The following RNF149 variants were observed in gnomAD, a reference collection of about 807,000 sequenced individuals.
RNF149 encodes the protein ring finger protein 149, also known as E3 ubiquitin-protein ligase RNF149.
RNF149 carries 21 observed loss-of-function variants against 39.0 expected under a neutral mutation model. That is an observed-to-expected ratio of 0.54 (90% confidence interval 0.38 to 0.77). The LOEUF (loss-of-function observed/expected upper bound fraction) is 0.77, where lower values mean the gene tolerates loss of function less well. Among genes scored for constraint, RNF149 ranks in the 30% least tolerant of loss-of-function variants. The pLI, the probability that RNF149 is intolerant of heterozygous loss-of-function variation, is 0.00. For synonymous variants in RNF149, 209 were observed against 213.6 expected (o/e 0.98, Z 0.19); for missense variants, 493 against 534.9 (o/e 0.92, Z 0.77).
In RNF149 at chr2:101,295,014, T is replaced by C; in HGVS notation, c.628A>G (p.Thr210Ala). Residue 210 changes from threonine to alanine, a missense_variant, in exon 2 of 7, where the codon ACC (threonine) becomes GCC (alanine). Coordinates refer to ENST00000295317, the MANE Select transcript of RNF149 (RefSeq NM_173647.4). ...SVVFVAIAFI[T>A]MMIISLAWLI... ...CAGGCTAACGAGATAATCATCATGG[T>C]GATGAAGGCAATGGCCACAAACACC... 2.5e-6 allele frequency: 4 copies of C among 1,614,082 alleles called. No individual in the cohort carries two copies. The highest frequency in any genetic ancestry group is 3.4e-6 in the Non-Finnish European group (4 of 1,179,968).
At chr2:101,281,032 T>G (rs567833169) in intron 6 of RNF149, among the ~76,000 whole-genome samples, 29 of 152,048 alleles carry the variant, frequency 1.9e-4, no homozygotes, top group African/African-American at 6.8e-4. Flanking sequence ...AGACCCTGTC[T>G]CAAAAACCAA....
intron 5 of RNF149, among the ~76,000 whole-genome samples, chr2:101,285,874 ATAT>A (rs918026979): frequency 6.6e-6 from 1 of 152,216 alleles, no homozygotes; most frequent in African/African-American, 2.4e-5. Flanking sequence ...ACATCTGAGC[ATAT>A]TATTCTACCA....
At chr2:101,291,646 T>C (rs1186904791) in intron 3 of RNF149, among the ~76,000 whole-genome samples, 1 of 152,186 alleles carries the variant, frequency 6.6e-6, no homozygotes, top group Non-Finnish European at 1.5e-5. Flanking sequence ...TTTAACAACA[T>C]TTAAAATTAT....
rs369587252 is a variant in RNF149 at position 101,294,083 on chromosome 2, C to T, written c.712-1G>A. The T allele has an allele frequency of 1.3e-6, 2 of 1,520,442 alleles. No homozygotes were observed. Among genetic ancestry groups the T allele is most frequent in the Non-Finnish European group, 1.8e-6 (2 of 1,098,306 alleles). The allele number at this position is 1,520,442 out of a possible 1,614,324, so 94.2% of individuals were successfully genotyped here. A position where few individuals can be genotyped will look rare whatever the true frequency, so the allele number is the denominator to read the frequency against. ...CTTTCTTAGTTTCTTTTCTATGGCTCTTGGGTAGGAAAATATTAATACAGT... is the reference window on the plus strand; with the variant it reads ...CTTTCTTAGTTTCTTTTCTATGGCTTTTGGGTAGGAAAATATTAATACAGT... On this transcript the variant is annotated splice_acceptor_variant, in intron 2 of 6. Coordinates refer to ENST00000295317, the MANE Select transcript of RNF149 (RefSeq NM_173647.4). LOFTEE classifies it high-confidence loss of function.
intron 1 of RNF149, among the ~76,000 whole-genome samples, chr2:101,307,546 CTG>C: frequency 6.6e-6 from 1 of 152,294 alleles, no homozygotes; most frequent in Middle Eastern, 3.4e-3. Flanking sequence ...CTCAGGAAAT[CTG>C]ACTGGCAGTA....
At chr2:101,307,018 ATAACAGAG>A (rs1683689094) in intron 1 of RNF149, among the ~76,000 whole-genome samples, 2 of 152,356 alleles carry the variant, frequency 1.3e-5, no homozygotes, top group African/African-American at 4.8e-5. Context: ...GTTATCTTAC[ATAACAGAG>A]TATGTTCACT....
intron 1 of RNF149, among the ~76,000 whole-genome samples, chr2:101,306,023 C>T (rs544393318): frequency 3.3e-5 from 5 of 152,158 alleles, no homozygotes; most frequent in Admixed American, 1.3e-4. Flanking sequence ...GAATGGACAC[C>T]GATAATGGGA....
intron 1 of RNF149, among the ~76,000 whole-genome samples, chr2:101,301,601 CCA>C (rs1683454385): frequency 6.6e-6 from 1 of 152,106 alleles, no homozygotes; most frequent in Non-Finnish European, 1.5e-5. Flanking sequence ...TCACGATGTC[CCA>C]CCTCAAAGAT....
At chr2:101,304,007 G>A (rs1683560926) in intron 1 of RNF149, among the ~76,000 whole-genome samples, 1 of 152,154 alleles carries the variant, frequency 6.6e-6, no homozygotes, top group Admixed American at 6.5e-5. Flanking sequence ...TTAATTTAAG[G>A]CCAATATCCT....
intron 4 of RNF149, among the ~76,000 whole-genome samples, chr2:101,288,230 C>CTT (rs554652378): frequency 1.6e-3 from 99 of 60,530 alleles, no homozygotes; most frequent in Non-Finnish European, 2.0e-3. Context: ...GAAAGAAAAA[C>CTT]TTTTTTTTTT....
chr2:101,281,173 A>G (rs1236547210), intron 6 of RNF149, among the ~76,000 whole-genome samples: 1 of 152,254 alleles, frequency 6.6e-6, no homozygotes, highest in East Asian at 1.9e-4. Flanking sequence ...TACTGATAAT[A>G]CAAACACTCA....
rs547820014 is a variant in RNF149, at chr2:101,297,037, C to T, written c.461-1856G>A. Among the ~76,000 whole-genome samples the T allele has an allele frequency of 4.5e-4, 68 of 152,172 alleles. No homozygotes were observed. The East Asian group carries it at 6.6e-3, about 15-fold the overall frequency. On this transcript the variant is annotated intron_variant, in intron 1 of 6. Transcript: ENST00000295317. ...CAGCCTGGCCAAAATGGCGAAACCCCGTCTCTACTGAAATTACAAAAATTA... is the reference window on the plus strand; with the variant it reads ...CAGCCTGGCCAAAATGGCGAAACCCTGTCTCTACTGAAATTACAAAAATTA...
downstream of RNF149, chr2:101,273,476 C>CCT (rs1682215978): frequency 1.5e-4 from 53 of 350,604 alleles, no homozygotes; most frequent in South Asian, 1.1e-3. Flanking sequence ...ATATTTGTTT[C>CCT]TTTTTTTTTT....
Position 101,276,031 on chromosome 2 carries a change from C to T in RNF149, c.*1207G>A, listed in dbSNP as rs1682333683. ...GCATTAAGTAGCTTGAGAAAATAATCTATATAAATCTTTATATCCTACATA... is the reference window on the plus strand; with the variant it reads ...GCATTAAGTAGCTTGAGAAAATAATTTATATAAATCTTTATATCCTACATA... On this transcript the variant is annotated 3_prime_UTR_variant, in exon 7 of 7. Transcript: ENST00000295317. The T allele has an allele frequency of 1.7e-5, 15 of 869,720 alleles. No homozygotes were observed. Among genetic ancestry groups the T allele is most frequent in the Non-Finnish European group, 2.1e-5 (15 of 725,046 alleles). 53.9% of individuals were successfully genotyped at this position (869,720 alleles called of 1,614,324 possible). A position where few individuals can be genotyped will look rare whatever the true frequency, so the allele number is the denominator to read the frequency against.
chr2:101,297,713 A>G (rs1683289405), intron 1 of RNF149, among the ~76,000 whole-genome samples: 1 of 152,152 alleles, frequency 6.6e-6, no homozygotes, highest in South Asian at 2.1e-4. Flanking sequence ...ATACCACAAA[A>G]TTCACCCTTT....
At chr2:101,299,980 G>A (rs1006575492) in intron 1 of RNF149, among the ~76,000 whole-genome samples, 5 of 152,248 alleles carry the variant, frequency 3.3e-5, no homozygotes, top group African/African-American at 1.2e-4. Flanking sequence ...GTTATCCACT[G>A]CCTGGGAGGT....
In RNF149 at chr2:101,276,967, G is replaced by C. The variant is rs1375402218; in HGVS notation, c.*271C>G. 3.4e-6 allele frequency: 4 copies of C among 1,166,154 alleles called. No homozygotes were observed. The highest frequency in any genetic ancestry group is 1.6e-5 in the African/African-American group (1 of 62,250). The allele number at this position is 1,166,154 out of a possible 1,614,324, so 72.2% of individuals were successfully genotyped here. A position where few individuals can be genotyped will look rare whatever the true frequency, so the allele number is the denominator to read the frequency against. ...GAAACACCACCTGTCCTTTATATTA[G>C]AGTACCTGCCCCAGTTGTCTTTGTA... On this transcript the variant is annotated 3_prime_UTR_variant, in exon 7 of 7. Transcript: ENST00000295317.
downstream of RNF149, among the ~76,000 whole-genome samples, chr2:101,273,824 C>G (rs775260513): frequency 2.6e-5 from 4 of 152,124 alleles, no homozygotes; most frequent in African/African-American, 4.8e-5. Flanking sequence ...TCACTGAAAA[C>G]TTTTTCCTTT....
In RNF149 at chr2:101,277,242, G is replaced by A. The variant is rs777387276; in HGVS notation, c.1199C>T (p.Ser400Phe). The A allele has an allele frequency of 6.2e-7, 1 of 1,613,644 alleles. No homozygotes were observed. The highest frequency in any genetic ancestry group is 1.3e-5 in the African/African-American group (1 of 75,020). ...RSDSRHGGPIS is the reference protein window; with the variant it reads ...RSDSRHGGPIF ...CCACTTCAGTGGGCACGTGTGCTAG[G>A]AGATGGGTCCTCCATGCCGAGAGTC... is the stretch of plus-strand genomic sequence containing the variant. The change falls in exon 7 of 7, where the codon TCC (serine) becomes TTC (phenylalanine). Residue 400 changes from serine (S) to phenylalanine (F), a missense_variant. Transcript: ENST00000295317.
Sources: gnomAD v4.1 joint callset for allele counts (sites outside exome capture counted in the v4.1 genomes callset) on GRCh38, gnomAD v4.1.1 for gene constraint, MANE v1.5 for transcripts, NCBI Gene and HGNC (gene_info 2026-07-23, HGNC 2026-07-21) for gene names.